PREPL: variants seen among roughly 807,000 people sequenced by gnomAD.
The protein encoded by PREPL is prolyl endopeptidase like.
PREPL carries 77 observed loss-of-function variants against 70.6 expected under a neutral mutation model. The observed-to-expected ratio is 1.09, with a 90% CI of 0.91 to 1.32. The LOEUF (loss-of-function observed/expected upper bound fraction) is 1.32. Among genes scored for constraint, PREPL ranks in the 40% most tolerant of loss-of-function variants. The pLI is 0.00. For missense variants in PREPL, 1,002 were observed against 778.2 expected (o/e 1.29, Z -3.42); for synonymous variants, 315 against 264.8 (o/e 1.19, Z -1.84).
chr2:44,327,635 C>T (rs1291098928), intron 9 of PREPL, among the ~76,000 whole-genome samples: 2 of 152,040 alleles, frequency 1.3e-5, no homozygotes, highest in South Asian at 2.1e-4. Flanking sequence ...CTGAGGTGAG[C>T]AGGTCACTTG....
At chr2:44,347,897 A>C (rs1676000376) in intron 1 of PREPL, among the ~76,000 whole-genome samples, 1 of 152,264 alleles carries the variant, frequency 6.6e-6, no homozygotes, top group Admixed American at 6.5e-5. Context: ...ATATAACGGA[A>C]AAATCACCAA....
At chr2:44,339,075 C>T in intron 6 of PREPL, 72 bp downstream of exon 6, 2 of 1,575,404 alleles carry the variant, frequency 1.3e-6, no homozygotes, top group Non-Finnish European at 1.7e-6. Context: ...GCTCTTGGAG[C>T]AAGAAATGTT....
chr2:44,320,719 G>GTA lies in PREPL; in HGVS notation c.*636_*637insTA. 2 of 1,074,122 alleles carry GTA rather than the reference G, an allele frequency of 1.9e-6. No individual in the cohort carries two copies. The highest frequency in any genetic ancestry group is 2.9e-6 in the Non-Finnish European group (2 of 693,168). The allele number at this position is 1,074,122 out of a possible 1,614,324, so 66.5% of individuals were successfully genotyped here. A position where few individuals can be genotyped will look rare whatever the true frequency, so the allele number is the denominator to read the frequency against. On this transcript the variant is annotated 3_prime_UTR_variant, in exon 14 of 14. Coordinates refer to ENST00000409411, the MANE Select transcript of PREPL (RefSeq NM_001171613.2). ...GTAATAGCTTCATGTACAGCATGCTGCTTGGTGAACAATCATTAATTCTTC... is the reference window on the plus strand; with the variant it reads ...GTAATAGCTTCATGTACAGCATGCTGTACTTGGTGAACAATCATTAATTCTTC...
Position 44,343,851 on chromosome 2 carries a change from C to T in PREPL, c.243G>A (p.Val81=). ...AATCTTCAGTTCTTATCTTGGCAGC[C>T]ACATATTTTTCATCTGGAGCAACTC... ...CIRVAPDEKY[V]AAKIRTEDSE... is the part of the protein sequence containing the mutation. The change falls in exon 4 of 14, where the codon GTG becomes GTA. Residue 81 remains valine (V), a synonymous_variant. Coordinates refer to ENST00000409411, the MANE Select transcript of PREPL (RefSeq NM_001171613.2). The T allele has an allele frequency of 6.2e-7, 1 of 1,613,958 alleles. No individual in the cohort carries two copies. The highest frequency in any genetic ancestry group is 8.5e-7 in the Non-Finnish European group (1 of 1,179,898).
At chr2:44,328,912 T>C (rs1366979179) in intron 9 of PREPL, 25 bp downstream of exon 9, 9 of 1,597,694 alleles carry the variant, frequency 5.6e-6, no homozygotes, top group African/African-American at 1.3e-5. Context: ...AGCACTTACA[T>C]GCCAGGTAAA....
chr2:44,342,656 G>C (rs767649996), intron 4 of PREPL, 104 bp from the exon 5 acceptor site: 1 of 895,402 alleles, frequency 1.1e-6, no homozygotes, highest in Admixed American at 2.5e-5. Flanking sequence ...GAGAACATGT[G>C]CAAGTTTATC....
Position 44,318,768 on chromosome 2 carries a change from C to T in PREPL, c.*2588G>A, listed in dbSNP as rs949626391. 4 of 152,060 alleles carry T rather than the reference C, an allele frequency of 2.6e-5. No homozygotes were observed. The highest frequency in any genetic ancestry group is 7.2e-5 in the African/African-American group (3 of 41,396). 9.4% of individuals were successfully genotyped at this position (152,060 alleles called of 1,614,324 possible). A position where few individuals can be genotyped will look rare whatever the true frequency, so the allele number is the denominator to read the frequency against. The stretch of plus-strand genomic sequence containing the variant: ...AAAAAATAAAATTACAAAAATCAGG[C>T]TTGGAAGTATTTAATAGCAGACAAA... On this transcript the variant is annotated 3_prime_UTR_variant, in exon 14 of 14. Transcript: ENST00000409411.
chr2:44,329,299 CT>C (rs1464356384), intron 8 of PREPL, among the ~76,000 whole-genome samples, 187 bp from the exon 9 acceptor site: 1 of 152,192 alleles, frequency 6.6e-6, no homozygotes, highest in Admixed American at 6.5e-5. Flanking sequence ...TTTCAGCTAC[CT>C]TGCTGTCCTA....
Position 44,338,386 on chromosome 2 carries a change from T to C in PREPL, c.853A>G (p.Ile285Val). ...KHSNLLYVNV[I>V]GLADDSVRSL... is the part of the protein sequence containing the mutation. Reference sequence around the variant, plus strand: ...CGAACTGAATCATCAGCCAGACCAATCACATTAACATAAAGGAGATTGCTG... The same window carrying C: ...CGAACTGAATCATCAGCCAGACCAACCACATTAACATAAAGGAGATTGCTG... Residue 285 changes from isoleucine (I) to valine (V), a missense_variant, in exon 7 of 14, where the codon ATT becomes GTT. Physicochemically the swap from Ile to Val is conservative, Grantham distance 29. Transcript: ENST00000409411. The C allele has an allele frequency of 2.5e-6, 4 of 1,612,978 alleles. No individual in the cohort carries two copies. The highest frequency in any genetic ancestry group is 3.4e-6 in the Non-Finnish European group (4 of 1,179,782).
At chr2:44,321,584 A>G in intron 13 of PREPL, 139 bp from the exon 14 acceptor site, 1 of 1,490,554 alleles carries the variant, frequency 6.7e-7, no homozygotes, top group Non-Finnish European at 8.9e-7. Flanking sequence ...TTCGAGAGAG[A>G]GGCAGAAGGC....
intron 2 of PREPL, among the ~76,000 whole-genome samples, chr2:44,345,216 C>A (rs140320980): frequency 1.3e-5 from 2 of 152,128 alleles, no homozygotes; most frequent in Non-Finnish European, 2.9e-5. Context: ...CAGTGGCTTA[C>A]GTTTATTATC....
At chr2:44,330,357 T>G (rs1211197179) in intron 8 of PREPL, among the ~76,000 whole-genome samples, 1 of 152,218 alleles carries the variant, frequency 6.6e-6, no homozygotes, top group Non-Finnish European at 1.5e-5. Flanking sequence ...TTCTCCCCTC[T>G]TGGCTCTCCA....
chr2:44,325,640 A>C (rs1572847248), intron 10 of PREPL, among the ~76,000 whole-genome samples: 1 of 152,148 alleles, frequency 6.6e-6, no homozygotes, highest in South Asian at 2.1e-4. Context: ...TTTGTCTTTA[A>C]ACTGTAAATA....
intron 8 of PREPL, 117 bp from the exon 9 acceptor site, chr2:44,329,229 G>C (rs1355603100): frequency 2.5e-6 from 2 of 785,400 alleles, no homozygotes; most frequent in Admixed American, 3.2e-5. Context: ...TACTGATGTT[G>C]AGCACAAATT....
In PREPL at chr2:44,328,438, C is replaced by CAAAA. The variant is rs1194898905; in HGVS notation, c.1262+495_1262+498dup. On this transcript the variant is annotated intron_variant, in intron 9 of 13. Transcript: ENST00000409411. ...GGCGACAAAGCAAAACTGTCTCAAACAAAAAAAAAAAAAAAAAAAAAAAAA... is the reference window on the plus strand; with the variant it reads ...GGCGACAAAGCAAAACTGTCTCAAACAAAAAAAAAAAAAAAAAAAAAAAAAAAAA... 9.7e-3 allele frequency among the ~76,000 whole-genome samples: 590 copies of CAAAA among 60,650 alleles called. 9 individuals are homozygous for CAAAA. Among genetic ancestry groups the CAAAA allele is most frequent in the East Asian group, 0.041 (52 of 1,266 alleles). The allele number at this position is 60,650 out of a possible 152,430, so 39.8% of individuals were successfully genotyped here. A position where few individuals can be genotyped will look rare whatever the true frequency, so the allele number is the denominator to read the frequency against.
chr2:44,324,873 A>G (rs1319037996), intron 10 of PREPL, among the ~76,000 whole-genome samples: 2 of 152,180 alleles, frequency 1.3e-5, no homozygotes, highest in African/African-American at 2.4e-5. Flanking sequence ...TGGGTGAAAG[A>G]GCAAAACTCT....
rs759349358 is a variant in PREPL at position 44,332,580 on chromosome 2, G to A, written c.965C>T (p.Pro322Leu). The A allele has an allele frequency of 1.2e-6, 2 of 1,613,824 alleles. No homozygotes were observed. Among genetic ancestry groups the A allele is most frequent in the Non-Finnish European group, 1.7e-6 (2 of 1,179,762 alleles). The stretch of plus-strand genomic sequence containing the variant: ...TGTGTAATATTTTGGGGGACGTATT[G>A]GAGAGCAAAGTTGAAAGGGGCAGTT... ...PKNCPFQLCS[P>L]IRPPKYYTYK... Residue 322 changes from proline to leucine, a missense_variant, in exon 8 of 14, where the codon CCA becomes CTA. Physicochemically the swap from Pro to Leu is moderately conservative, Grantham distance 98 (BLOSUM62 -3). Transcript: ENST00000409411.
At chr2:44,345,918 G>C (rs1471443474) in intron 2 of PREPL, among the ~76,000 whole-genome samples, 1 of 152,032 alleles carries the variant, frequency 6.6e-6, no homozygotes, top group Non-Finnish European at 1.5e-5. Context: ...GAGGTGGGAG[G>C]GTTGCTTGAG....
At chr2:44,327,165 T>C (rs141329251) in intron 9 of PREPL, among the ~76,000 whole-genome samples, 4 of 152,278 alleles carry the variant, frequency 2.6e-5, no homozygotes, top group African/African-American at 4.8e-5. Flanking sequence ...ACTCCTGATA[T>C]AGACAATCCA....
Sources: gnomAD v4.1 joint callset for allele counts (sites outside exome capture counted in the v4.1 genomes callset) on GRCh38, gnomAD v4.1.1 for gene constraint, MANE v1.5 for transcripts, NCBI Gene and HGNC (gene_info 2026-07-23, HGNC 2026-07-21) for gene names.